PIAS1: variants seen among roughly 807,000 people sequenced by gnomAD.
The protein encoded by PIAS1 is E3 SUMO-protein ligase PIAS1.
Under a neutral mutation model 71.3 loss-of-function variants are expected in PIAS1, and 6 were observed. The observed-to-expected ratio is 0.08, with a 90% CI of 0.05 to 0.17. The LOEUF (loss-of-function observed/expected upper bound fraction) is 0.17. PIAS1 is among the 10% of genes least tolerant of loss of function. The pLI is 1.00. For missense variants in PIAS1, 555 were observed against 793.6 expected, an observed-to-expected ratio of 0.70 and a Z score of 3.61; for synonymous variants, 303 against 292.9, an observed-to-expected ratio of 1.03 and a Z score of -0.35.
intron 2 of PIAS1, among the ~76,000 whole-genome samples, chr15:68,095,907 T>G (rs2092371394): frequency 6.6e-6 from 1 of 152,212 alleles, no homozygotes; most frequent in Admixed American, 6.5e-5. Context: ...ATTGTAATTC[T>G]TTGGCACTAC....
At chr15:68,119,705 AGTCT>A (rs1351240118) in intron 2 of PIAS1, among the ~76,000 whole-genome samples, 1 of 152,178 alleles carries the variant, frequency 6.6e-6, no homozygotes, top group African/African-American at 2.4e-5. Flanking sequence ...TATTGTTCAA[AGTCT>A]TCTGTATTCT....
At chr15:68,079,131 A>T (rs1029028680) in intron 1 of PIAS1, among the ~76,000 whole-genome samples, 3 of 151,864 alleles carry the variant, frequency 2.0e-5, no homozygotes, top group African/African-American at 7.3e-5. Flanking sequence ...CAGAATCCAA[A>T]TTCTGTATTT....
intron 11 of PIAS1, among the ~76,000 whole-genome samples, chr15:68,177,344 T>C (rs1411259966): frequency 6.6e-6 from 1 of 150,550 alleles, no homozygotes; most frequent in Non-Finnish European, 1.5e-5. Flanking sequence ...GTGATCCTGC[T>C]CCTGCTCACA....
chr15:68,193,741 CCCAGG>C lies in PIAS1; in HGVS notation c.*5911_*5915del, dbSNP rs1418947303. Reference sequence around the variant, plus strand: ...GGAAGCAGCAGAGCCAGGACTGGAACCCAGGCCAGACTCCAAACCGCAGGCTCCTT... The same window carrying C: ...GGAAGCAGCAGAGCCAGGACTGGAACCCAGACTCCAAACCGCAGGCTCCTT... On this transcript the variant is annotated 3_prime_UTR_variant, in exon 14 of 14. Transcript: ENST00000249636. The C allele has an allele frequency of 6.7e-5, 24 of 357,914 alleles. No individual in the cohort carries two copies. The highest frequency in any genetic ancestry group is 1.2e-4 in the Non-Finnish European group (23 of 194,220). 22.2% of individuals were successfully genotyped at this position (357,914 alleles called of 1,614,324 possible).
chr15:68,125,826 G>C (rs1273123299), intron 2 of PIAS1, among the ~76,000 whole-genome samples: 1 of 151,970 alleles, frequency 6.6e-6, no homozygotes, highest in East Asian at 1.9e-4. Flanking sequence ...TCAGCGTCCT[G>C]AGTAGCCAAG....
At chr15:68,087,731 G>A in intron 2 of PIAS1, 1 of 272,172 alleles carries the variant, frequency 3.7e-6, no homozygotes, top group Non-Finnish European at 7.7e-6. Context: ...TTCAGTTTGG[G>A]GGACTGGCAA....
intron 6 of PIAS1, among the ~76,000 whole-genome samples, chr15:68,151,319 A>T (rs1307114074): frequency 6.6e-6 from 1 of 152,026 alleles, no homozygotes; most frequent in African/African-American, 2.4e-5. Context: ...TTTCAACTAG[A>T]GTGAGCATAC....
rs554429334 is a variant in PIAS1, at chr15:68,114,500, A to G, written c.470-27446A>G. ...TAGTTGTCAAGTTTTTGTTTGACTA[A>G]GTCAGAGGGTTCATTAAAGATTGTA... On this transcript the variant is annotated intron_variant, in intron 2 of 13. Coordinates refer to ENST00000249636, the MANE Select transcript of PIAS1 (RefSeq NM_016166.3). 2.6e-5 allele frequency among the ~76,000 whole-genome samples: 4 copies of G among 152,230 alleles called. No homozygotes were observed. The South Asian group carries it at 6.2e-4, about 24-fold the overall frequency.
At chr15:68,141,861 A>G (rs1052058377) in intron 2 of PIAS1, 85 bp from the exon 3 acceptor site, 1 of 795,890 alleles carries the variant, frequency 1.3e-6, no homozygotes, top group African/African-American at 1.8e-5. Context: ...CCAGTTAATT[A>G]AAGACATGTG....
At chr15:68,133,048 TA>T (rs1403115556) in intron 2 of PIAS1, among the ~76,000 whole-genome samples, 4 of 151,974 alleles carry the variant, frequency 2.6e-5, no homozygotes, top group African/African-American at 9.7e-5. Context: ...ACACAGAAAG[TA>T]GTAGCATACT....
chr15:68,177,294 A>AG (rs1555434132), intron 11 of PIAS1, among the ~76,000 whole-genome samples: 26 of 150,974 alleles, frequency 1.7e-4, no homozygotes, highest in East Asian at 1.4e-3. Flanking sequence ...AAAAAAAAAA[A>AG]AAAGAAAGAA....
intron 10 of PIAS1, 72 bp from the exon 11 acceptor site, chr15:68,176,402 C>T: frequency 5.1e-6 from 5 of 982,230 alleles, no homozygotes; most frequent in Non-Finnish European, 7.3e-6. Context: ...AACTGATAAA[C>T]TGTAGTGACA....
chr15:68,161,403 A>G (rs1387336624), intron 7 of PIAS1, among the ~76,000 whole-genome samples: 7 of 152,122 alleles, frequency 4.6e-5, no homozygotes, highest in African/African-American at 1.7e-4. Context: ...CAGTCTAATC[A>G]AGATCCCGGT....
chr15:68,187,538 C>G lies in PIAS1; in HGVS notation c.1663-4C>G. 6.2e-7 allele frequency: 1 copy of G among 1,611,596 alleles called. No homozygotes were observed. The highest frequency in any genetic ancestry group is 8.5e-7 in the Non-Finnish European group (1 of 1,177,978). On this transcript the variant is annotated splice_region_variant and splice_polypyrimidine_tract_variant and intron_variant, in intron 13 of 13. Coordinates refer to ENST00000249636, the MANE Select transcript of PIAS1 (RefSeq NM_016166.3). This position sits in a 1 kb window ranked among gnomAD's most constrained non-coding sequence, Gnocchi z 5.3. ...TTTTTGTGTCTTTTGTTTCCCCTCCCTAGCATTACAACACCTCCTTGCTTG... is the reference window on the plus strand; with the variant it reads ...TTTTTGTGTCTTTTGTTTCCCCTCCGTAGCATTACAACACCTCCTTGCTTG...
chr15:68,179,564 C>CTTTTTTT (rs766344324), intron 11 of PIAS1, among the ~76,000 whole-genome samples: 951 of 40,060 alleles, frequency 0.024, 274 homozygotes, highest in Non-Finnish European at 0.026. Flanking sequence ...GTGAAATGTT[C>CTTTTTTT]TTTTTTTTTT....
chr15:68,118,320 CA>C (rs35273377), intron 2 of PIAS1, among the ~76,000 whole-genome samples: 61,416 of 143,066 alleles, frequency 0.43, 13,432 homozygotes, highest in Non-Finnish European at 0.49. Flanking sequence ...GTGTCTGTCT[CA>C]AAAAAAAAAA....
chr15:68,057,361 A>G, intron 1 of PIAS1: 1 of 320,864 alleles, frequency 3.1e-6, no homozygotes, highest in Non-Finnish European at 6.0e-6. Flanking sequence ...TGGCCAGATG[A>G]TCTTGGTAGT....
At chr15:68,153,181 A>G (rs1020969596) in intron 6 of PIAS1, among the ~76,000 whole-genome samples, 3 of 152,112 alleles carry the variant, frequency 2.0e-5, no homozygotes, top group African/African-American at 7.2e-5. Flanking sequence ...CCTACTAAAT[A>G]TGGTTTATAG....
intron 2 of PIAS1, among the ~76,000 whole-genome samples, chr15:68,139,866 GTAAGACTCATTTC>G (rs2092758552): frequency 6.6e-6 from 1 of 152,062 alleles, no homozygotes; most frequent in African/African-American, 2.4e-5. Context: ...GGATGATTTT[GTAAGACTCATTTC>G]AGTATGAAGA....
Sources: gnomAD v4.1 joint callset for allele counts (sites outside exome capture counted in the v4.1 genomes callset) on GRCh38, gnomAD v4.1.1 for gene constraint, Gnocchi (gnomAD v3.1) non-coding constraint, MANE v1.5 for transcripts, NCBI Gene and HGNC (gene_info 2026-07-23, HGNC 2026-07-21) for gene names.